The following PLPPR1 variants were observed in gnomAD, a reference collection of about 807,000 sequenced individuals.
PLPPR1 encodes phospholipid phosphatase-related protein type 1.
Under a neutral mutation model 33.1 loss-of-function variants are expected in PLPPR1, and 10 were observed. That is an observed-to-expected ratio of 0.30 (90% CI 0.19 to 0.51). The LOEUF is 0.51. PLPPR1 is among the 20% of genes least tolerant of loss of function. PLPPR1 has a pLI of 0.97. For synonymous variants in PLPPR1, 151 were observed against 151.0 expected, an observed-to-expected ratio of 1.00 and a Z score of 0.00; for missense variants, 304 against 408.1, an observed-to-expected ratio of 0.74 and a Z score of 2.20.
At chr9:101,084,473 C>T (rs1830654039) in intron 1 of PLPPR1, among the ~76,000 whole-genome samples, 1 of 150,720 alleles carries the variant, frequency 6.6e-6, no homozygotes, top group African/African-American at 2.4e-5. Context: ...ATTTTCTTTA[C>T]CTTTAATCTA....
At chr9:101,292,053 G>C (rs1339632344) in intron 4 of PLPPR1, among the ~76,000 whole-genome samples, 1 of 152,156 alleles carries the variant, frequency 6.6e-6, no homozygotes, top group African/African-American at 2.4e-5. Context: ...AAAAAATGTA[G>C]ACGAATATAT....
intron 2 of PLPPR1, among the ~76,000 whole-genome samples, chr9:101,205,567 G>T (rs1284867751): frequency 6.6e-6 from 1 of 152,030 alleles, no homozygotes; most frequent in Admixed American, 6.6e-5. Flanking sequence ...ATTTTGTTTT[G>T]TATGTTCACC....
At chr9:101,073,863 A>G (rs150903765) in intron 1 of PLPPR1, among the ~76,000 whole-genome samples, 1 of 152,202 alleles carries the variant, frequency 6.6e-6, no homozygotes, top group Non-Finnish European at 1.5e-5. Flanking sequence ...GTGCTAATCT[A>G]TATGAATCTG....
intron 1 of PLPPR1, among the ~76,000 whole-genome samples, chr9:101,084,973 C>A (rs1004362390): frequency 6.6e-6 from 1 of 152,144 alleles, no homozygotes; most frequent in Non-Finnish European, 1.5e-5. Flanking sequence ...TGGGTTAGGC[C>A]TGGTCATTAT....
intron 3 of PLPPR1, among the ~76,000 whole-genome samples, chr9:101,283,858 C>T (rs1828343779): frequency 4.0e-5 from 6 of 151,774 alleles, no homozygotes; most frequent in Admixed American, 3.9e-4. Context: ...AGACAAATGG[C>T]CAACAAATAT....
At chr9:101,120,365 A>G (rs1831164020) in intron 1 of PLPPR1, among the ~76,000 whole-genome samples, 1 of 152,230 alleles carries the variant, frequency 6.6e-6, no homozygotes, top group Admixed American at 6.5e-5. Context: ...TTGGATGTCC[A>G]CATTTTTGTT....
intron 1 of PLPPR1, among the ~76,000 whole-genome samples, chr9:101,084,975 G>A (rs77835066): frequency 0.014 from 2,194 of 152,202 alleles, 62 homozygotes; most frequent in African/African-American, 0.05. Context: ...GGTTAGGCCT[G>A]GTCATTATTT....
At chr9:101,312,651 G>A (rs1828979594) in intron 5 of PLPPR1, 147 bp from the exon 6 acceptor site, 1 of 572,454 alleles carries the variant, frequency 1.7e-6, no homozygotes, top group Non-Finnish European at 3.1e-6. Flanking sequence ...ATATCTTAAT[G>A]GAGTTGTTCA....
chr9:101,140,268 A>C (rs1426233697), intron 1 of PLPPR1, among the ~76,000 whole-genome samples: 1 of 152,176 alleles, frequency 6.6e-6, no homozygotes, highest in East Asian at 1.9e-4. Flanking sequence ...TAAGTAGAGA[A>C]AGTGGATTGC....
intron 2 of PLPPR1, among the ~76,000 whole-genome samples, chr9:101,230,892 T>C (rs954000413): frequency 2.0e-5 from 3 of 151,916 alleles, no homozygotes; most frequent in African/African-American, 7.2e-5. Context: ...ATTTATTTAT[T>C]TTTTTTCCAG....
chr9:101,103,256 CT>C (rs202107300), intron 1 of PLPPR1, among the ~76,000 whole-genome samples: 8,305 of 103,706 alleles, frequency 0.08, 162 homozygotes, highest in East Asian at 0.14. Context: ...CCTAGGTTTT[CT>C]TCTAGGGTTT....
intron 1 of PLPPR1, among the ~76,000 whole-genome samples, chr9:101,104,455 G>T (rs1830945783): frequency 1.1e-5 from 1 of 90,456 alleles, no homozygotes. Context: ...TACATTTATT[G>T]ATTTGCATAT....
chr9:101,127,676 T>C (rs1463198731), intron 1 of PLPPR1, among the ~76,000 whole-genome samples: 2 of 152,138 alleles, frequency 1.3e-5, no homozygotes, highest in Non-Finnish European at 2.9e-5. Flanking sequence ...TACGAGGGAT[T>C]TTATGCCCTG....
chr9:101,307,824 G>A (rs1318827234), intron 4 of PLPPR1, among the ~76,000 whole-genome samples: 2 of 152,174 alleles, frequency 1.3e-5, no homozygotes, highest in Non-Finnish European at 2.9e-5. Flanking sequence ...ATTTACAAGG[G>A]TTAATGCTGC....
chr9:101,232,827 G>T (rs966241898), intron 2 of PLPPR1, among the ~76,000 whole-genome samples: 1 of 151,890 alleles, frequency 6.6e-6, no homozygotes. Context: ...TGGGTATAAA[G>T]GCACTCAACA....
At chr9:101,282,583 G>A (rs1203280638) in intron 3 of PLPPR1, among the ~76,000 whole-genome samples, 1 of 152,108 alleles carries the variant, frequency 6.6e-6, no homozygotes, top group African/African-American at 2.4e-5. Context: ...GAGAAAGAAA[G>A]AAAAGGCATT....
At chr9:101,304,817 T>C (rs1192596512) in intron 4 of PLPPR1, among the ~76,000 whole-genome samples, 1 of 152,136 alleles carries the variant, frequency 6.6e-6, no homozygotes, top group Admixed American at 6.5e-5. Flanking sequence ...GTCCTCACTG[T>C]GTGGCTCATT....
At position 101,191,446 on chromosome 9, in the gene PLPPR1, C is replaced by T. The variant is rs56664548; in HGVS notation, c.63+5889C>T. Among the ~76,000 whole-genome samples the T allele has an allele frequency of 2.5e-3, 376 of 152,224 alleles. 3 individuals are homozygous for T. Among genetic ancestry groups the T allele is most frequent in the African/African-American group, 8.7e-3 (361 of 41,546 alleles). ...CTGCCTTCCCTTCTTCCTTCTCTCC[C>T]GTTCCACTTCTGTTACTCTTTCTCT... On this transcript the variant is annotated intron_variant, in intron 2 of 7. Transcript: ENST00000374874.
chr9:101,283,679 G>A (rs1206797485), intron 3 of PLPPR1, among the ~76,000 whole-genome samples: 2 of 152,140 alleles, frequency 1.3e-5, no homozygotes, highest in East Asian at 3.8e-4. Context: ...AAATGCTTCT[G>A]CACAGTGAAG....
Sources: allele counts gnomAD v4.1 joint callset (sites outside exome capture counted in the v4.1 genomes callset), GRCh38; gene constraint gnomAD v4.1.1; transcripts MANE v1.5; gene names NCBI Gene and HGNC (gene_info 2026-07-23, HGNC 2026-07-21).